ZKSCAN1: variants seen among roughly 807,000 people sequenced by gnomAD.
ZKSCAN1 encodes zinc finger protein with KRAB and SCAN domains 1.
A neutral mutation model predicts 51.6 loss-of-function variants in ZKSCAN1; 14 were observed. The ratio of observed to expected loss-of-function variants is 0.27; its 90% confidence interval spans 0.18 to 0.42. ZKSCAN1 has a LOEUF of 0.42. Ranked by LOEUF, ZKSCAN1 falls within the 10% of genes least tolerant of loss-of-function variation. The pLI is 1.00. For missense variants in ZKSCAN1, 531 were observed against 710.0 expected, an observed-to-expected ratio of 0.75 and a Z score of 2.86; for synonymous variants, 263 against 261.5, an observed-to-expected ratio of 1.01 and a Z score of -0.06.
At position 100,033,716 on chromosome 7, in the gene ZKSCAN1, C is replaced by CATA; in HGVS notation, c.1211_1212insATA (p.Tyr405dup). On this transcript the variant is annotated inframe_insertion, in exon 6 of 6. Coordinates refer to ENST00000324306, the MANE Select transcript of ZKSCAN1 (RefSeq NM_003439.4). The surrounding 1 kb of genome is among the most constrained non-coding windows in gnomAD (Gnocchi z 4.1). ...AAAATAATCCACACTGGAGAAAAGC[C>CATA]CTATGAATGTAGTGAGTGTGGGAAA... 6.2e-7 allele frequency: 1 copy of CATA among 1,614,134 alleles called. No individual in the cohort carries two copies.
chr7:100,037,157 A>G lies in ZKSCAN1; in HGVS notation c.*2960A>G, dbSNP rs1267643525. On this transcript the variant is annotated 3_prime_UTR_variant, in exon 6 of 6. Coordinates refer to ENST00000324306, the MANE Select transcript of ZKSCAN1 (RefSeq NM_003439.4). The stretch of plus-strand genomic sequence containing the variant: ...GGTCATGGTCAAAAACGCTTGCAAC[A>G]TCTAATTGGCGTTCAAGATAGTCAT... 1.1e-5 allele frequency: 11 copies of G among 985,346 alleles called. No homozygotes were observed. Among genetic ancestry groups the G allele is most frequent in the Non-Finnish European group, 1.1e-5 (9 of 829,940 alleles). 61.0% of individuals were successfully genotyped at this position (985,346 alleles called of 1,614,324 possible). A position where few individuals can be genotyped will look rare whatever the true frequency, so the allele number is the denominator to read the frequency against.
chr7:100,040,425 G>A lies in ZKSCAN1; in HGVS notation c.*6228G>A, dbSNP rs1791546533. The stretch of plus-strand genomic sequence containing the variant: ...GTAAAGTGAATACGTTTTTAAAATG[G>A]AATTTTCTCCCTTCAGCAAGCACTC... On this transcript the variant is annotated 3_prime_UTR_variant, in exon 6 of 6. Coordinates refer to ENST00000324306, the MANE Select transcript of ZKSCAN1 (RefSeq NM_003439.4). 1 of 985,270 alleles carries A rather than the reference G, an allele frequency of 1.0e-6. No individual in the cohort carries two copies. Among genetic ancestry groups the A allele is most frequent in the Admixed American group, 6.2e-5 (1 of 16,252 alleles). The allele number at this position is 985,270 out of a possible 1,614,324, so 61.0% of individuals were successfully genotyped here. A position where few individuals can be genotyped will look rare whatever the true frequency, so the allele number is the denominator to read the frequency against.
In ZKSCAN1 at chr7:100,036,643, A is replaced by C; in HGVS notation, c.*2446A>C. On this transcript the variant is annotated 3_prime_UTR_variant, in exon 6 of 6. Transcript: ENST00000324306. ...TGAGGCAGGAGAATCACTTGAACCCAGGAGGCAGAGGTTGCAGTGAGCCAA... is the reference window on the plus strand; with the variant it reads ...TGAGGCAGGAGAATCACTTGAACCCCGGAGGCAGAGGTTGCAGTGAGCCAA... The C allele has an allele frequency of 1.2e-6, 1 of 826,154 alleles. No individual in the cohort carries two copies. 51.2% of individuals were successfully genotyped at this position (826,154 alleles called of 1,614,324 possible).
Position 100,023,420 on chromosome 7 carries a change from A to G in ZKSCAN1, c.-87A>G. The G allele has an allele frequency of 7.0e-7, 1 of 1,425,160 alleles. No homozygotes were observed. Among genetic ancestry groups the G allele is most frequent in the Non-Finnish European group, 9.5e-7 (1 of 1,054,830 alleles). The allele number at this position is 1,425,160 out of a possible 1,614,324, so 88.3% of individuals were successfully genotyped here. ...AATGACTTTTTTTTTATACTTCAGG[A>G]ATAGTAAAGAAACACATCATAAAAC... On this transcript the variant is annotated splice_region_variant and 5_prime_UTR_variant, in exon 2 of 6. Coordinates refer to ENST00000324306, the MANE Select transcript of ZKSCAN1 (RefSeq NM_003439.4).
At chr7:100,029,581 G>A (rs1426402695) in intron 3 of ZKSCAN1, among the ~76,000 whole-genome samples, 3 of 152,160 alleles carry the variant, frequency 2.0e-5, no homozygotes, top group Non-Finnish European at 4.4e-5. Flanking sequence ...TGACATTAGG[G>A]AAGTCATTTG....
intron 1 of ZKSCAN1, among the ~76,000 whole-genome samples, chr7:100,016,331 C>T (rs544446290): frequency 2.6e-5 from 4 of 152,054 alleles, no homozygotes; most frequent in Admixed American, 2.0e-4. Flanking sequence ...ATTATATACA[C>T]CCCACTCTTT....
rs936629888 is a variant in ZKSCAN1 at position 100,034,551 on chromosome 7, T to C, written c.*354T>C. ...CAACATAATAGTTGAAAGATCAAGATTGGCTCCACGAAAGTGATACGGAGG... is the reference window on the plus strand; with the variant it reads ...CAACATAATAGTTGAAAGATCAAGACTGGCTCCACGAAAGTGATACGGAGG... On this transcript the variant is annotated 3_prime_UTR_variant, in exon 6 of 6. Coordinates refer to ENST00000324306, the MANE Select transcript of ZKSCAN1 (RefSeq NM_003439.4). 9.8e-7 allele frequency: 1 copy of C among 1,015,544 alleles called. No homozygotes were observed. Among genetic ancestry groups the C allele is most frequent in the African/African-American group, 1.7e-5 (1 of 58,348 alleles). The allele number at this position is 1,015,544 out of a possible 1,614,324, so 62.9% of individuals were successfully genotyped here.
Position 100,035,918 on chromosome 7 carries a change from G to A in ZKSCAN1, c.*1721G>A, listed in dbSNP as rs79899762. 402 of 985,398 alleles carry A rather than the reference G, an allele frequency of 4.1e-4. No individual in the cohort carries two copies. The African/African-American group carries it at 5.9e-3, about 14-fold the overall frequency. 61.0% of individuals were successfully genotyped at this position (985,398 alleles called of 1,614,324 possible). A position where few individuals can be genotyped will look rare whatever the true frequency, so the allele number is the denominator to read the frequency against. ...AAGGGTCCTACCCAAGGCTAGGACC[G>A]CCCTGCGGAAACAGAAACATAGACT... On this transcript the variant is annotated 3_prime_UTR_variant, in exon 6 of 6. Coordinates refer to ENST00000324306, the MANE Select transcript of ZKSCAN1 (RefSeq NM_003439.4).
chr7:100,023,835 A>T lies in ZKSCAN1; in HGVS notation c.329A>T (p.Lys110Met), dbSNP rs771066271. The T allele has an allele frequency of 1.2e-6, 2 of 1,614,142 alleles. No individual in the cohort carries two copies. The highest frequency in any genetic ancestry group is 1.3e-5 in the African/African-American group (1 of 75,050). Residue 110 changes from lysine to methionine, a missense_variant, in exon 2 of 6, where the codon AAG (lysine) becomes ATG (methionine). This residue lies in a region of ZKSCAN1 where 403 missense variants were observed against 490.5 expected (regional missense o/e 0.82). Coordinates refer to ENST00000324306, the MANE Select transcript of ZKSCAN1 (RefSeq NM_003439.4). Reference sequence around the variant, plus strand: ...GAGCAGTTTCTTTCCATCCTGCCCAAGGAGCTCCAGGTCTGGCTGCAGGAA... The same window carrying T: ...GAGCAGTTTCTTTCCATCCTGCCCATGGAGCTCCAGGTCTGGCTGCAGGAA... ...VLEQFLSILP[K>M]ELQVWLQEYR...
rs950224539 is a variant in ZKSCAN1, at chr7:100,040,195, A to C, written c.*5998A>C. ...GACATCCCACAATACAGAATGTCTTAACATGAGAATTGAATTTCATGATGT... is the reference window on the plus strand; with the variant it reads ...GACATCCCACAATACAGAATGTCTTCACATGAGAATTGAATTTCATGATGT... On this transcript the variant is annotated 3_prime_UTR_variant, in exon 6 of 6. Coordinates refer to ENST00000324306, the MANE Select transcript of ZKSCAN1 (RefSeq NM_003439.4). 3.0e-6 allele frequency: 3 copies of C among 985,366 alleles called. No homozygotes were observed. The highest frequency in any genetic ancestry group is 3.6e-6 in the Non-Finnish European group (3 of 829,948). 61.0% of individuals were successfully genotyped at this position (985,366 alleles called of 1,614,324 possible). A position where few individuals can be genotyped will look rare whatever the true frequency, so the allele number is the denominator to read the frequency against.
intron 3 of ZKSCAN1, among the ~76,000 whole-genome samples, chr7:100,029,566 G>C (rs1209743167): frequency 6.6e-6 from 1 of 152,144 alleles, no homozygotes; most frequent in Admixed American, 6.5e-5. Context: ...CTGCCACTGG[G>C]AATGTGACAT....
At chr7:100,026,659 A>T (rs1182530861) in intron 3 of ZKSCAN1, among the ~76,000 whole-genome samples, 1 of 151,922 alleles carries the variant, frequency 6.6e-6, no homozygotes, top group African/African-American at 2.4e-5. Context: ...CTGTAGGCAG[A>T]GGTTGTGGTG....
intron 3 of ZKSCAN1, among the ~76,000 whole-genome samples, chr7:100,027,703 G>T (rs1340316253): frequency 6.1e-5 from 9 of 148,618 alleles, no homozygotes; most frequent in African/African-American, 2.2e-4. Flanking sequence ...AGCCGAGATT[G>T]CGCCACTGCA....
In ZKSCAN1 at chr7:100,035,347, A is replaced by G. The variant is rs1791309359; in HGVS notation, c.*1150A>G. The G allele has an allele frequency of 6.6e-6, 1 of 152,216 alleles. No homozygotes were observed. Among genetic ancestry groups the G allele is most frequent in the Non-Finnish European group, 1.5e-5 (1 of 68,030 alleles). The allele number at this position is 152,216 out of a possible 1,614,324, so 9.4% of individuals were successfully genotyped here. On this transcript the variant is annotated 3_prime_UTR_variant, in exon 6 of 6. Transcript: ENST00000324306. Reference sequence around the variant, plus strand: ...GCATAGACTTTCTAAACAGTGAGTAAATACCATGGAATGTCAGAAATGACT... The same window carrying G: ...GCATAGACTTTCTAAACAGTGAGTAGATACCATGGAATGTCAGAAATGACT...
At position 100,033,243 on chromosome 7, in the gene ZKSCAN1, T is replaced by A; in HGVS notation, c.800-62T>A. 1 of 1,502,614 alleles carries A rather than the reference T, an allele frequency of 6.7e-7. No individual in the cohort carries two copies. Among genetic ancestry groups the A allele is most frequent in the Non-Finnish European group, 8.8e-7 (1 of 1,132,798 alleles). 93.1% of individuals were successfully genotyped at this position (1,502,614 alleles called of 1,614,324 possible). A position where few individuals can be genotyped will look rare whatever the true frequency, so the allele number is the denominator to read the frequency against. On this transcript the variant is annotated intron_variant, in intron 5 of 5. Coordinates refer to ENST00000324306, the MANE Select transcript of ZKSCAN1 (RefSeq NM_003439.4). This position sits in a 1 kb window ranked among gnomAD's most constrained non-coding sequence, Gnocchi z 4.1. ...TAGAAGCTTCTCGGGAAACTGTCGC[T>A]TGACCCACCTGTATATTCAAAAGAA...
intron 5 of ZKSCAN1, among the ~76,000 whole-genome samples, chr7:100,031,857 G>A (rs12534494): frequency 0.35 from 53,616 of 151,968 alleles, 10,440 homozygotes; most frequent in African/African-American, 0.52. Flanking sequence ...CAAGAGGATC[G>A]CTTGAAGCCA....
chr7:100,025,446 CATATAA>C (rs1719229371), intron 3 of ZKSCAN1, among the ~76,000 whole-genome samples: 1 of 151,990 alleles, frequency 6.6e-6, no homozygotes, highest in Non-Finnish European at 1.5e-5. Flanking sequence ...AGTTCACAGT[CATATAA>C]ATAAAAAGTC....
At chr7:100,045,189 T>G (rs561134972), downstream of ZKSCAN1, among the ~76,000 whole-genome samples, 8 of 152,144 alleles carry the variant, frequency 5.3e-5, no homozygotes, top group East Asian at 1.5e-3. Flanking sequence ...GGAGGATTGC[T>G]TGAGCACAGG....
At chr7:100,031,888 G>A (rs537599851) in intron 5 of ZKSCAN1, among the ~76,000 whole-genome samples, 3 of 152,232 alleles carry the variant, frequency 2.0e-5, no homozygotes, top group African/African-American at 7.2e-5. Context: ...ACCAGCATGG[G>A]CAATATAGCA....
Sources: allele counts gnomAD v4.1 joint callset (sites outside exome capture counted in the v4.1 genomes callset), GRCh38; gene constraint gnomAD v4.1.1; regional missense constraint gnomAD v4.1.1; non-coding constraint Gnocchi (gnomAD v3.1); transcripts MANE v1.5; gene names NCBI Gene and HGNC (gene_info 2026-07-23, HGNC 2026-07-21).